The following RALYL variants were observed in gnomAD, a reference collection of about 807,000 sequenced individuals.
RALYL encodes RNA-binding Raly-like protein.
Under a neutral mutation model 35.1 loss-of-function variants are expected in RALYL, and 29 were observed. That is an observed-to-expected ratio of 0.83 (90% CI 0.61 to 1.13). The LOEUF is 1.13. Ranked by LOEUF, RALYL falls within the 50% of genes most tolerant of loss-of-function variation. The pLI, the probability that RALYL is intolerant of heterozygous loss-of-function variation, is 0.00. For missense variants in RALYL, 359 were observed against 360.4 expected, an observed-to-expected ratio of 1.00 and a Z score of 0.03; for synonymous variants, 120 against 127.6, an observed-to-expected ratio of 0.94 and a Z score of 0.40.
At chr8:84,677,934 C>A (rs1834545708) in intron 2 of RALYL, among the ~76,000 whole-genome samples, 2 of 152,144 alleles carry the variant, frequency 1.3e-5, no homozygotes, top group Admixed American at 6.6e-5. Flanking sequence ...AAACCACGTT[C>A]TATTTCTTCA....
chr8:84,514,090 T>TAAAAAAAAAAAAAAAAAA (rs57881021), intron 1 of RALYL, among the ~76,000 whole-genome samples: 3 of 41,158 alleles, frequency 7.3e-5, no homozygotes, highest in Admixed American at 3.1e-4. Context: ...AGATTTCATC[T>TAAAAAAAAAAAAAAAAAA]AAAAAAAAAA....
At chr8:84,334,880 C>G (rs1414639803) in intron 1 of RALYL, among the ~76,000 whole-genome samples, 2 of 152,128 alleles carry the variant, frequency 1.3e-5, no homozygotes, top group East Asian at 3.9e-4. Context: ...TTCCAAACAT[C>G]TTCTAAATTA....
At chr8:84,438,271 C>T (rs1187406938) in intron 1 of RALYL, among the ~76,000 whole-genome samples, 1 of 152,124 alleles carries the variant, frequency 6.6e-6, no homozygotes, top group Non-Finnish European at 1.5e-5. Flanking sequence ...TTAGGTCCTA[C>T]TTATCAATTT....
At chr8:84,300,482 C>T (rs1237346090) in intron 1 of RALYL, among the ~76,000 whole-genome samples, 1 of 151,912 alleles carries the variant, frequency 6.6e-6, no homozygotes, top group East Asian at 1.9e-4. Flanking sequence ...AGTATAGGTC[C>T]TGAATATCTT....
chr8:84,792,357 C>A (rs1249560737), intron 3 of RALYL, among the ~76,000 whole-genome samples: 1 of 152,112 alleles, frequency 6.6e-6, no homozygotes, highest in Admixed American at 6.5e-5. Context: ...ATCTCCTTTC[C>A]AACTGTCCCC....
At chr8:84,701,217 A>C (rs1404653764) in intron 2 of RALYL, among the ~76,000 whole-genome samples, 4 of 152,084 alleles carry the variant, frequency 2.6e-5, no homozygotes, top group Admixed American at 1.3e-4. Context: ...ACTTCCTATC[A>C]CTCTTGGAAG....
intron 1 of RALYL, among the ~76,000 whole-genome samples, chr8:84,233,826 T>C (rs1234409983): frequency 6.6e-6 from 1 of 152,226 alleles, no homozygotes; most frequent in African/African-American, 2.4e-5. Context: ...TATCCTAACA[T>C]TGCTACTTAA....
chr8:84,233,572 C>G (rs1825840268), intron 1 of RALYL, among the ~76,000 whole-genome samples: 1 of 152,162 alleles, frequency 6.6e-6, no homozygotes, highest in African/African-American at 2.4e-5. Context: ...AGTACTGCTT[C>G]TTAGTCACCA....
intron 1 of RALYL, among the ~76,000 whole-genome samples, chr8:84,214,840 T>A (rs1336205428): frequency 2.0e-5 from 3 of 151,828 alleles, no homozygotes; most frequent in African/African-American, 7.3e-5. Context: ...TATTTTGGAT[T>A]TTTTTGTGTG....
intron 2 of RALYL, among the ~76,000 whole-genome samples, chr8:84,542,789 G>A (rs2060106806): frequency 1.3e-5 from 2 of 152,136 alleles, no homozygotes; most frequent in Admixed American, 1.3e-4. Context: ...TATAATTGCT[G>A]TAATCCCTTA....
At chr8:84,767,425 T>C (rs1460674504) in intron 2 of RALYL, among the ~76,000 whole-genome samples, 2 of 152,234 alleles carry the variant, frequency 1.3e-5, no homozygotes. Context: ...ACAGGATATT[T>C]TTCAATTGTT....
At chr8:84,502,371 G>T (rs954419093) in intron 1 of RALYL, among the ~76,000 whole-genome samples, 35 of 151,958 alleles carry the variant, frequency 2.3e-4, no homozygotes, top group Admixed American at 2.2e-3. Context: ...GCATGAAGAA[G>T]AAAGTCTATA....
At chr8:84,611,613 T>G (rs1237319503) in intron 2 of RALYL, among the ~76,000 whole-genome samples, 1 of 152,174 alleles carries the variant, frequency 6.6e-6, no homozygotes, top group Non-Finnish European at 1.5e-5. Flanking sequence ...TATTGACTGG[T>G]TCACTCTATT....
intron 4 of RALYL, among the ~76,000 whole-genome samples, chr8:84,849,410 C>A (rs1032680588): frequency 6.6e-6 from 1 of 152,102 alleles, no homozygotes; most frequent in Non-Finnish European, 1.5e-5. Context: ...TATTTCAATA[C>A]CTTTTGTTCA....
chr8:84,344,269 C>CA (rs1421379729), intron 1 of RALYL, among the ~76,000 whole-genome samples: 2 of 151,664 alleles, frequency 1.3e-5, no homozygotes, highest in African/African-American at 4.8e-5. Flanking sequence ...TTTTGTTATG[C>CA]AAAAAAATAG....
intron 2 of RALYL, among the ~76,000 whole-genome samples, chr8:84,721,400 G>A (rs895809046): frequency 1.3e-5 from 2 of 152,046 alleles, no homozygotes; most frequent in South Asian, 4.1e-4. Flanking sequence ...TTCATCAACA[G>A]ATGAATAAAC....
chr8:84,720,717 G>T (rs1004360315), intron 2 of RALYL, among the ~76,000 whole-genome samples: 6 of 151,966 alleles, frequency 3.9e-5, no homozygotes, highest in Non-Finnish European at 8.8e-5. Flanking sequence ...ACAGAATGAT[G>T]GAGAATATTT....
At chr8:84,257,229 T>C (rs1260608436) in intron 1 of RALYL, among the ~76,000 whole-genome samples, 2 of 152,050 alleles carry the variant, frequency 1.3e-5, no homozygotes, top group Non-Finnish European at 2.9e-5. Flanking sequence ...GAGAAAAAGA[T>C]TGCGTGAATC....
intron 2 of RALYL, among the ~76,000 whole-genome samples, chr8:84,547,686 T>TC (rs986008236): frequency 5.9e-5 from 9 of 152,056 alleles, no homozygotes; most frequent in African/African-American, 1.9e-4. Context: ...GCCAAGTTTT[T>TC]TCCTTTTATC....
Sources: allele counts gnomAD v4.1 joint callset (sites outside exome capture counted in the v4.1 genomes callset), GRCh38; gene constraint gnomAD v4.1.1; transcripts MANE v1.5; gene names NCBI Gene and HGNC (gene_info 2026-07-23, HGNC 2026-07-21).